The following PRKCE variants were observed in gnomAD, a reference collection of about 807,000 sequenced individuals.
The protein encoded by PRKCE is protein kinase C epsilon.
A neutral mutation model predicts 85.4 loss-of-function variants in PRKCE; 16 were observed. That is an observed-to-expected ratio of 0.19 (90% CI 0.13 to 0.28). PRKCE has a LOEUF of 0.28. PRKCE is among the 10% of genes least tolerant of loss of function. The pLI, the probability that PRKCE is intolerant of heterozygous loss-of-function variation, is 1.00. For missense variants in PRKCE, 573 were observed against 975.2 expected, an observed-to-expected ratio of 0.59 and a Z score of 5.49; for synonymous variants, 388 against 371.5, an observed-to-expected ratio of 1.04 and a Z score of -0.51.
intron 10 of PRKCE, among the ~76,000 whole-genome samples, chr2:46,044,471 A>T (rs1369635273): frequency 6.6e-6 from 1 of 152,198 alleles, no homozygotes; most frequent in Admixed American, 6.5e-5. Flanking sequence ...GGCTGGGGAC[A>T]TTCATGTAAT....
chr2:46,159,955 A>G lies in PRKCE; in HGVS notation c.2067+203A>G, dbSNP rs1677593686. On this transcript the variant is annotated intron_variant, in intron 14 of 14. Transcript: ENST00000306156. The surrounding 1 kb of genome is among the most constrained non-coding windows in gnomAD (Gnocchi z 4.1). ...TTGAAAACATGTAACCTACTACAGC[A>G]GCACCCAAGATGATGATTTACGTGG... is the stretch of plus-strand genomic sequence containing the variant. The G allele has an allele frequency of 1.8e-6, 1 of 542,818 alleles. No individual in the cohort carries two copies. Among genetic ancestry groups the G allele is most frequent in the South Asian group, 2.7e-5 (1 of 36,766 alleles). 33.6% of individuals were successfully genotyped at this position (542,818 alleles called of 1,614,324 possible). A position where few individuals can be genotyped will look rare whatever the true frequency, so the allele number is the denominator to read the frequency against.
chr2:45,755,581 C>T (rs1374541898), intron 1 of PRKCE, among the ~76,000 whole-genome samples: 1 of 152,218 alleles, frequency 6.6e-6, no homozygotes, highest in Non-Finnish European at 1.5e-5. Flanking sequence ...GCTCAAATTT[C>T]TTATGGCAAT....
At chr2:45,766,895 G>C (rs1391168380) in intron 1 of PRKCE, among the ~76,000 whole-genome samples, 2 of 152,140 alleles carry the variant, frequency 1.3e-5, no homozygotes, top group Non-Finnish European at 2.9e-5. Flanking sequence ...AAAAAAATTA[G>C]CCGGGCATGA....
chr2:45,886,296 TCCGTAG>T (rs1423234138), intron 2 of PRKCE, among the ~76,000 whole-genome samples: 1 of 152,192 alleles, frequency 6.6e-6, no homozygotes, highest in African/African-American at 2.4e-5. Flanking sequence ...CACTCTGAGC[TCCGTAG>T]CCTGTGTCTG....
At chr2:45,975,233 T>C (rs865973677) in intron 2 of PRKCE, among the ~76,000 whole-genome samples, 32 of 152,326 alleles carry the variant, frequency 2.1e-4, no homozygotes, top group African/African-American at 7.0e-4. Context: ...ATCACTAAGA[T>C]ATAACACACT....
rs1038284507 is a variant in PRKCE at position 46,051,976 on chromosome 2, C to T, written c.1438-34232C>T. On this transcript the variant is annotated intron_variant, in intron 10 of 14. Coordinates refer to ENST00000306156, the MANE Select transcript of PRKCE (RefSeq NM_005400.3). Reference sequence around the variant, plus strand: ...ATCACAAGAACAGCATGGGGAAAACCGCCCCCATGATCCAGTCCCCTCCCA... The same window carrying T: ...ATCACAAGAACAGCATGGGGAAAACTGCCCCCATGATCCAGTCCCCTCCCA... Among the ~76,000 whole-genome samples, 8 of 152,026 alleles carry T rather than the reference C, an allele frequency of 5.3e-5. 1 individual carries two copies. Among genetic ancestry groups the T allele is most frequent in the Admixed American group, 2.6e-4 (4 of 15,270 alleles).
At chr2:45,672,425 T>A (rs1241427164) in intron 1 of PRKCE, among the ~76,000 whole-genome samples, 1 of 152,202 alleles carries the variant, frequency 6.6e-6, no homozygotes, top group Non-Finnish European at 1.5e-5. Context: ...CATCTATTCA[T>A]CTATCTCTCC....
intron 1 of PRKCE, among the ~76,000 whole-genome samples, chr2:45,716,431 CA>C (rs1345614057): frequency 1.3e-5 from 2 of 152,002 alleles, no homozygotes; most frequent in Non-Finnish European, 2.9e-5. Flanking sequence ...GCACGAGAAT[CA>C]CTTGAACTTA....
intron 1 of PRKCE, among the ~76,000 whole-genome samples, chr2:45,730,671 G>A (rs940276417): frequency 6.6e-6 from 1 of 151,810 alleles, no homozygotes; most frequent in Non-Finnish European, 1.5e-5. Context: ...CATTGGCCAG[G>A]CTGGTCTCAA....
At chr2:46,104,884 A>G (rs1218955264) in intron 11 of PRKCE, among the ~76,000 whole-genome samples, 1 of 152,156 alleles carries the variant, frequency 6.6e-6, no homozygotes, top group Non-Finnish European at 1.5e-5. Context: ...TAGCAGCTTT[A>G]TAGATAAGAG....
intron 14 of PRKCE, among the ~76,000 whole-genome samples, chr2:46,163,793 C>G (rs538508986): frequency 6.7e-6 from 1 of 148,858 alleles, no homozygotes; most frequent in African/African-American, 2.5e-5. Context: ...ACCACAGAGG[C>G]CACTGAGAGA....
rs1185801615 is a variant in PRKCE at position 46,041,237 on chromosome 2, G to T, written c.1437+30720G>T. Among the ~76,000 whole-genome samples the T allele has an allele frequency of 6.6e-6, 1 of 151,946 alleles. No individual in the cohort carries two copies. Among genetic ancestry groups the T allele is most frequent in the Non-Finnish European group, 1.5e-5 (1 of 67,980 alleles). ...ATTACCCTTGATCTTAAGAGTACTG[G>T]GTATACCCAAGTCCAAAATCAGAAT... On this transcript the variant is annotated intron_variant, in intron 10 of 14. Transcript: ENST00000306156. This position sits in a 1 kb window ranked among gnomAD's most constrained non-coding sequence, Gnocchi z 5.5.
At chr2:46,084,969 A>G (rs1474169441) in intron 10 of PRKCE, among the ~76,000 whole-genome samples, 1 of 152,048 alleles carries the variant, frequency 6.6e-6, no homozygotes, top group East Asian at 1.9e-4. Context: ...GAATCTTTTT[A>G]GCACCTGGTG....
Position 45,938,587 on chromosome 2 carries a change from G to C in PRKCE, c.413-37842G>C, listed in dbSNP as rs76118364. Among the ~76,000 whole-genome samples, 889 of 152,180 alleles carry C rather than the reference G, an allele frequency of 5.8e-3. 1 individual carries two copies. Among genetic ancestry groups the C allele is most frequent in the Non-Finnish European group, 9.7e-3 (661 of 67,998 alleles). ...CTTGCAGCAGCTATTTATTCAGTTA[G>C]CAAACTTTTCCTGGCCTCCAATTTG... On this transcript the variant is annotated intron_variant, in intron 2 of 14. Transcript: ENST00000306156.
Position 45,877,883 on chromosome 2 carries a change from C to T in PRKCE, c.412+34820C>T, listed in dbSNP as rs191324799. Among the ~76,000 whole-genome samples the T allele has an allele frequency of 3.9e-4, 59 of 152,344 alleles. 1 individual carries two copies. The East Asian group carries it at 0.01, about 27-fold the overall frequency. ...TTCCTTCCTCAGGAAAGGACCTTCA[C>T]GCCTCTCAAAATATCAAAGAACAGG... is the stretch of plus-strand genomic sequence containing the variant. On this transcript the variant is annotated intron_variant, in intron 2 of 14. Coordinates refer to ENST00000306156, the MANE Select transcript of PRKCE (RefSeq NM_005400.3).
At chr2:45,850,252 C>T (rs566463486) in intron 2 of PRKCE, among the ~76,000 whole-genome samples, 8 of 152,306 alleles carry the variant, frequency 5.3e-5, no homozygotes, top group Admixed American at 1.3e-4. Context: ...GTGTGCCTGT[C>T]TTACCAATAA....
chr2:45,818,279 A>G (rs1453677295), intron 1 of PRKCE, among the ~76,000 whole-genome samples: 3 of 152,218 alleles, frequency 2.0e-5, no homozygotes, highest in Non-Finnish European at 2.9e-5. Flanking sequence ...CAAAAAATCA[A>G]TCTTGTGACT....
intron 2 of PRKCE, among the ~76,000 whole-genome samples, chr2:45,947,593 T>C (rs762008971): frequency 3.9e-5 from 6 of 152,244 alleles, no homozygotes; most frequent in Non-Finnish European, 8.8e-5. Flanking sequence ...ATTTGAACTT[T>C]TGCATATCAT....
At chr2:45,974,113 A>C (rs2104514921) in intron 2 of PRKCE, among the ~76,000 whole-genome samples, 2 of 152,290 alleles carry the variant, frequency 1.3e-5, no homozygotes, top group South Asian at 4.2e-4. Context: ...AGGGCTACTG[A>C]ATAGATTTGG....
Sources: gnomAD v4.1 joint callset for allele counts (sites outside exome capture counted in the v4.1 genomes callset) on GRCh38, gnomAD v4.1.1 for gene constraint, Gnocchi (gnomAD v3.1) non-coding constraint, MANE v1.5 for transcripts, NCBI Gene and HGNC (gene_info 2026-07-23, HGNC 2026-07-21) for gene names.